Variants in TTLL11 observed in about 807,000 individuals in gnomAD.
TTLL11 encodes the protein tubulin tyrosine ligase like 11.
TTLL11 carries 42 observed loss-of-function variants against 51.7 expected under a neutral mutation model. That is an observed-to-expected ratio of 0.81 (90% CI 0.64 to 1.05). The LOEUF is 1.05. TTLL11 is among the 50% of genes least tolerant of loss of function. The pLI, the probability that TTLL11 is intolerant of heterozygous loss-of-function variation, is 0.00. For missense variants in TTLL11, 799 were observed against 940.4 expected, an observed-to-expected ratio of 0.85 and a Z score of 1.97; for synonymous variants, 381 against 383.5, an observed-to-expected ratio of 0.99 and a Z score of 0.08.
In TTLL11 at chr9:121,822,859, C is replaced by T. The variant is rs777976702; in HGVS notation, c.1861G>A (p.Val621Ile). 1.4e-4 allele frequency: 217 copies of T among 1,550,868 alleles called. No homozygotes were observed. The Middle Eastern group carries it at 1.5e-3, about 11-fold the overall frequency. ...TGAGCCAGGAAAAAGAAAGCTTCTACGAAGGCCTGCAGACACATCCCTGTG... is the reference window on the plus strand; with the variant it reads ...TGAGCCAGGAAAAAGAAAGCTTCTATGAAGGCCTGCAGACACATCCCTGTG... ...RDSGMCLQAF[V>I]EAFFFLAQRK... is the part of the protein sequence containing the mutation. The change falls in exon 9 of 9, where the codon GTA becomes ATA. Residue 621 changes from valine to isoleucine, a missense_variant. This residue lies in a region of TTLL11 where 165 missense variants were observed against 166.1 expected (regional missense o/e 0.99). Coordinates refer to ENST00000321582, the MANE Select transcript of TTLL11 (RefSeq NM_001139442.2). The surrounding 1 kb of genome is among the most constrained non-coding windows in gnomAD (Gnocchi z 5.8).
rs1169675063 is a variant in TTLL11, at chr9:121,822,852, G to C, written c.1868C>G (p.Ala623Gly). 1.3e-6 allele frequency: 2 copies of C among 1,551,254 alleles called. No homozygotes were observed. Among genetic ancestry groups the C allele is most frequent in the Non-Finnish European group, 1.7e-6 (2 of 1,146,874 alleles). ...SGMCLQAFVE[A>G]FFFLAQRKFK... ...CTTCCTCTGAGCCAGGAAAAAGAAA[G>C]CTTCTACGAAGGCCTGCAGACACAT... Residue 623 changes from alanine to glycine, a missense_variant, in exon 9 of 9, where the codon GCT becomes GGT. Physicochemically the swap from Ala to Gly is moderately conservative, Grantham distance 60. Transcript: ENST00000321582. This position sits in a 1 kb window ranked among gnomAD's most constrained non-coding sequence, Gnocchi z 5.8.
chr9:122,025,640 T>C (rs1844310283), intron 3 of TTLL11, among the ~76,000 whole-genome samples: 1 of 152,142 alleles, frequency 6.6e-6, no homozygotes, highest in South Asian at 2.1e-4. Flanking sequence ...ATAAATAGAC[T>C]GACCATTACC....
chr9:121,940,406 C>T (rs563179715), intron 6 of TTLL11, among the ~76,000 whole-genome samples: 45 of 151,292 alleles, frequency 3.0e-4, no homozygotes, highest in African/African-American at 1.1e-3. Context: ...GGTATGATCT[C>T]GGCTCACCAC....
chr9:121,991,374 A>G (rs529588172), intron 3 of TTLL11, among the ~76,000 whole-genome samples: 3 of 152,306 alleles, frequency 2.0e-5, no homozygotes, highest in African/African-American at 7.2e-5. Flanking sequence ...CCGAGAATGG[A>G]ACTTCACAAG....
intron 6 of TTLL11, chr9:121,963,785 A>G (rs1314865750): frequency 6.6e-6 from 1 of 152,162 alleles, no homozygotes; most frequent in Non-Finnish European, 1.5e-5. Flanking sequence ...AACGGAAGAG[A>G]GTTGTCTGGT....
At position 122,093,073 on chromosome 9, in the gene TTLL11, C is replaced by G; in HGVS notation, c.76G>C (p.Ala26Pro). Reference protein sequence around the residue: ...AEAVAAAKAAAKAEAEATAET... With the variant: ...AEAVAAAKAAPKAEAEATAET... The stretch of plus-strand genomic sequence containing the variant: ...GCTGTGGCCTCGGCCTCAGCTTTGG[C>G]CGCCGCTTTGGCCGCAGCCACCGCC... Residue 26 changes from alanine (A) to proline (P), a missense_variant, in exon 1 of 9, where the codon GCC (alanine) becomes CCC (proline). Transcript: ENST00000321582. The G allele has an allele frequency of 6.6e-7, 1 of 1,507,498 alleles. No homozygotes were observed. The highest frequency in any genetic ancestry group is 8.8e-7 in the Non-Finnish European group (1 of 1,135,516). 93.4% of individuals were successfully genotyped at this position (1,507,498 alleles called of 1,614,324 possible). A position where few individuals can be genotyped will look rare whatever the true frequency, so the allele number is the denominator to read the frequency against.
chr9:121,874,659 C>A (rs936596462), intron 6 of TTLL11, among the ~76,000 whole-genome samples: 1 of 152,090 alleles, frequency 6.6e-6, no homozygotes, highest in African/African-American at 2.4e-5. Context: ...TTAACCATTC[C>A]CCCTCAGTTA....
At chr9:121,871,006 T>G (rs1274238841) in intron 6 of TTLL11, among the ~76,000 whole-genome samples, 1 of 152,182 alleles carries the variant, frequency 6.6e-6, no homozygotes, top group Non-Finnish European at 1.5e-5. Flanking sequence ...ATGAAAACTT[T>G]CCTTTACTGT....
intron 4 of TTLL11, among the ~76,000 whole-genome samples, chr9:121,978,062 C>G (rs1842754327): frequency 6.6e-6 from 1 of 152,138 alleles, no homozygotes; most frequent in African/African-American, 2.4e-5. Context: ...GTCTTAGACT[C>G]CAGTAGGGGA....
In TTLL11 at chr9:121,826,513, A is replaced by ATATATATGTGTGTG. The variant is rs1564260406; in HGVS notation, c.1841-3635_1841-3634insCACACACATATATA. Among the ~76,000 whole-genome samples the ATATATATGTGTGTG allele has an allele frequency of 9.9e-3, 882 of 89,094 alleles. 41 individuals carry two copies. The highest frequency in any genetic ancestry group is 0.047 in the African/African-American group (812 of 17,266). The allele number at this position is 89,094 out of a possible 152,430, so 58.4% of individuals were successfully genotyped here. ...TATATATGTGTGTGTATATATATAT[A>ATATATATGTGTGTG]TGTATATATATATATGTGTGTGTGT... On this transcript the variant is annotated intron_variant, in intron 8 of 8. Coordinates refer to ENST00000321582, the MANE Select transcript of TTLL11 (RefSeq NM_001139442.2).
chr9:121,934,308 A>G (rs1405955229), intron 6 of TTLL11, among the ~76,000 whole-genome samples: 1 of 152,158 alleles, frequency 6.6e-6, no homozygotes, highest in Non-Finnish European at 1.5e-5. Flanking sequence ...TACCCATGCC[A>G]AACTATATAA....
chr9:122,084,745 CT>C (rs1251743152), intron 1 of TTLL11, among the ~76,000 whole-genome samples: 1 of 152,182 alleles, frequency 6.6e-6, no homozygotes, highest in Non-Finnish European at 1.5e-5. Context: ...CAACAACTAG[CT>C]AGTATTTTAT....
chr9:122,083,652 A>G (rs1253658329), intron 1 of TTLL11, among the ~76,000 whole-genome samples: 1 of 152,176 alleles, frequency 6.6e-6, no homozygotes, highest in African/African-American at 2.4e-5. Context: ...TCTACTAAAA[A>G]TACAAAAATT....
chr9:121,915,206 G>GGT (rs148422563), intron 6 of TTLL11, among the ~76,000 whole-genome samples: 2 of 151,924 alleles, frequency 1.3e-5, no homozygotes, highest in Admixed American at 6.6e-5. Flanking sequence ...AGTAAACAAA[G>GGT]GTGTGTGTGT....
At chr9:121,972,235 A>T (rs768060742) in intron 6 of TTLL11, among the ~76,000 whole-genome samples, 11 of 152,222 alleles carry the variant, frequency 7.2e-5, no homozygotes, top group Non-Finnish European at 1.3e-4. Flanking sequence ...TCCTTACAGT[A>T]CCATACGATT....
At chr9:122,085,165 C>T (rs1216544054) in intron 1 of TTLL11, among the ~76,000 whole-genome samples, 2 of 152,094 alleles carry the variant, frequency 1.3e-5, no homozygotes, top group African/African-American at 4.8e-5. Context: ...GAGGCTGAGG[C>T]AGGAGAATCG....
intron 2 of TTLL11, among the ~76,000 whole-genome samples, chr9:122,032,473 G>C (rs1457262973): frequency 1.1e-4 from 16 of 152,012 alleles, no homozygotes; most frequent in Admixed American, 1.0e-3. Context: ...CAGTTATAAG[G>C]ACTGACACTG....
chr9:121,842,368 C>T (rs1291576884), intron 8 of TTLL11, among the ~76,000 whole-genome samples: 3 of 152,154 alleles, frequency 2.0e-5, no homozygotes, highest in African/African-American at 7.2e-5. Context: ...AGCAATCCTC[C>T]TGCCCCAGCA....
At chr9:121,958,611 G>A (rs184286109) in intron 6 of TTLL11, among the ~76,000 whole-genome samples, 1 of 152,218 alleles carries the variant, frequency 6.6e-6, no homozygotes, top group Non-Finnish European at 1.5e-5. Context: ...TAGTAGATTT[G>A]GACACAGGTA....
Sources: gnomAD v4.1 joint callset for allele counts (sites outside exome capture counted in the v4.1 genomes callset) on GRCh38, gnomAD v4.1.1 for gene constraint, gnomAD v4.1.1 regional missense constraint, Gnocchi (gnomAD v3.1) non-coding constraint, MANE v1.5 for transcripts, NCBI Gene and HGNC (gene_info 2026-07-23, HGNC 2026-07-21) for gene names.